The following SPRY3 variants were observed in gnomAD, a reference collection of about 807,000 sequenced individuals.
The protein encoded by SPRY3 is protein sprouty homolog 3.
In SPRY3, 15 loss-of-function variants were observed where a neutral mutation model predicts 20.2. The ratio of observed to expected loss-of-function variants is 0.74; its 90% CI spans 0.50 to 1.14. The LOEUF (loss-of-function observed/expected upper bound fraction) is 1.14. Among genes scored for constraint, SPRY3 ranks in the 50% most tolerant of loss-of-function variants. SPRY3 has a pLI of 0.00. For missense variants in SPRY3, 364 were observed against 363.9 expected, an observed-to-expected ratio of 1.00 and a Z score of 0.00; for synonymous variants, 143 against 136.5, an observed-to-expected ratio of 1.05 and a Z score of -0.33.
intron 1 of SPRY3, among the ~76,000 whole-genome samples, chrX:155,631,428 G>A (rs184542428): frequency 5.4e-5 from 6 of 111,946 alleles, no homozygotes; most frequent in East Asian, 2.8e-4. Flanking sequence ...TGTCTTTTTG[G>A]TTTATGATTT....
At chrX:155,773,106 G>T (rs965280874) in intron 3 of SPRY3, among the ~76,000 whole-genome samples, 5 of 151,486 alleles carry the variant, frequency 3.3e-5, no homozygotes. Flanking sequence ...GATTAGTCTT[G>T]GTTTCCTTAT....
chrX:155,735,623 G>A (rs2091163273), intron 2 of SPRY3, among the ~76,000 whole-genome samples: 1 of 151,952 alleles, frequency 6.6e-6, no homozygotes, highest in East Asian at 1.9e-4. Context: ...TATTGATACA[G>A]CTATTCAAGC....
chrX:155,759,168 C>T (rs1175440926), intron 2 of SPRY3, among the ~76,000 whole-genome samples: 2 of 151,368 alleles, frequency 1.3e-5, no homozygotes, highest in African/African-American at 4.9e-5. Flanking sequence ...GGATTACAAG[C>T]GCCCACCATC....
At chrX:155,741,493 A>C (rs957244773) in intron 2 of SPRY3, among the ~76,000 whole-genome samples, 3 of 152,152 alleles carry the variant, frequency 2.0e-5, no homozygotes, top group African/African-American at 7.2e-5. Flanking sequence ...AATTCAGGAA[A>C]TCCAGAGAAC....
intron 2 of SPRY3, among the ~76,000 whole-genome samples, chrX:155,751,138 GAAAAGA>G (rs2091260163): frequency 6.6e-6 from 1 of 151,840 alleles, no homozygotes; most frequent in Admixed American, 6.6e-5. Flanking sequence ...GGAGTGAGCA[GAAAAGA>G]CAGGAAAAGA....
intron 2 of SPRY3, among the ~76,000 whole-genome samples, chrX:155,728,064 G>A (rs922023601): frequency 2.0e-5 from 3 of 152,168 alleles, no homozygotes; most frequent in Admixed American, 2.0e-4. Flanking sequence ...TCAGCTGCCG[G>A]TCTGTTGGAG....
chrX:155,718,688 T>C (rs2091037209), intron 2 of SPRY3, among the ~76,000 whole-genome samples: 1 of 152,112 alleles, frequency 6.6e-6, no homozygotes, highest in Non-Finnish European at 1.5e-5. Context: ...TGGCTATTTA[T>C]TTAGAAATTT....
chrX:155,741,160 G>A (rs1347280628), intron 2 of SPRY3, among the ~76,000 whole-genome samples: 1 of 152,116 alleles, frequency 6.6e-6, no homozygotes, highest in Admixed American at 6.6e-5. Flanking sequence ...GAGCATAAAT[G>A]ACGTGATGGA....
chrX:155,766,559 T>G (rs750971675), intron 2 of SPRY3, among the ~76,000 whole-genome samples: 2 of 152,316 alleles, frequency 1.3e-5, no homozygotes, highest in South Asian at 4.2e-4. Context: ...TCCTGCCACT[T>G]GTCCATTGAA....
chrX:155,702,929 G>T, intron 2 of SPRY3, among the ~76,000 whole-genome samples: 1 of 103,432 alleles, frequency 9.7e-6, no homozygotes, highest in Non-Finnish European at 1.9e-5. Flanking sequence ...ATTGATTTGC[G>T]TATATTGAAC....
intron 2 of SPRY3, among the ~76,000 whole-genome samples, chrX:155,743,522 T>C (rs1183772164): frequency 2.0e-5 from 3 of 152,146 alleles, no homozygotes; most frequent in African/African-American, 7.2e-5. Flanking sequence ...GAAATGGGGA[T>C]GGCAGCACCT....
At chrX:155,758,163 T>G (rs894018449) in intron 2 of SPRY3, among the ~76,000 whole-genome samples, 1 of 152,238 alleles carries the variant, frequency 6.6e-6, no homozygotes, top group Admixed American at 6.5e-5. Context: ...CAATATGTAT[T>G]GATAACCTAC....
At chrX:155,710,219 A>G (rs1409669137) in intron 2 of SPRY3, among the ~76,000 whole-genome samples, 1 of 151,716 alleles carries the variant, frequency 6.6e-6, no homozygotes, top group African/African-American at 2.4e-5. Flanking sequence ...GTATTTTGAT[A>G]CGGATTGCAT....
At chrX:155,632,576 C>A (rs1247108107) in intron 1 of SPRY3, among the ~76,000 whole-genome samples, 1 of 111,047 alleles carries the variant, frequency 9.0e-6, no homozygotes, top group African/African-American at 3.3e-5. Context: ...ATTGTTTTCT[C>A]ATCCTCCAGC....
chrX:155,697,942 A>G (rs991268666), intron 2 of SPRY3, among the ~76,000 whole-genome samples: 1 of 111,337 alleles, frequency 9.0e-6, no homozygotes, highest in Non-Finnish European at 1.9e-5. Context: ...TTAGTAAAGA[A>G]TGCCTTACAG....
chrX:155,732,040 C>T (rs1381435566), intron 2 of SPRY3, among the ~76,000 whole-genome samples: 2 of 151,892 alleles, frequency 1.3e-5, no homozygotes, highest in East Asian at 3.9e-4. Context: ...ATAAAAATGT[C>T]AAATCTTAGA....
downstream of SPRY3, chrX:155,779,316 G>A (rs1339997302): frequency 6.0e-6 from 1 of 167,042 alleles, no homozygotes; most frequent in Non-Finnish European, 1.5e-5. Context: ...CTACACTAGG[G>A]TGGTGCTTTT....
rs775555627 is a variant in SPRY3, at chrX:155,743,377, A to G, written c.-281-24585A>G. The stretch of plus-strand genomic sequence containing the variant: ...GGTCATGCCAAGTGTCTCTCCTCCA[A>G]GAGCTTCTGTTAGACTAGAGGTATA... On this transcript the variant is annotated intron_variant, in intron 2 of 3. Coordinates refer to ENST00000675360, the Ensembl canonical transcript of SPRY3. Among the ~76,000 whole-genome samples the G allele has an allele frequency of 1.6e-4, 25 of 152,206 alleles. No homozygotes were observed. In the South Asian group the frequency reaches 5.2e-3, roughly 32 times the overall value.
chrX:155,769,913 T>C lies in SPRY3; in HGVS notation c.-107+1777T>C, dbSNP rs191362062. ...TTGGTATTTGTAAGGGGGGAGTGCT[T>C]TGATAGAGATGCAAATGCTTTTTGC... On this transcript the variant is annotated intron_variant, in intron 3 of 3. Coordinates refer to ENST00000675360, the Ensembl canonical transcript of SPRY3. 1.0e-3 allele frequency among the ~76,000 whole-genome samples: 154 copies of C among 152,240 alleles called. 1 individual carries two copies. The highest frequency in any genetic ancestry group is 3.6e-3 in the African/African-American group (148 of 41,522).
Sources: gnomAD v4.1 joint callset for allele counts (sites outside exome capture counted in the v4.1 genomes callset) on GRCh38, gnomAD v4.1.1 for gene constraint, MANE v1.5 for transcripts, NCBI Gene and HGNC (gene_info 2026-07-23, HGNC 2026-07-21) for gene names.